PARD3: variants seen among roughly 807,000 people sequenced by gnomAD.
PARD3 encodes partitioning defective 3 homolog.
Under a neutral mutation model 155.4 loss-of-function variants are expected in PARD3, and 75 were observed. The observed-to-expected ratio is 0.48, with a 90% CI of 0.40 to 0.58. The LOEUF is 0.58. PARD3 is among the 20% of genes least tolerant of loss of function. The probability of loss-of-function intolerance (pLI) is 0.00; values close to 1 mark genes in which losing one functional copy is unlikely to be tolerated. For synonymous variants in PARD3, 576 were observed against 610.5 expected, an observed-to-expected ratio of 0.94 and a Z score of 0.83; for missense variants, 1,642 against 1,721.7, an observed-to-expected ratio of 0.95 and a Z score of 0.82.
chr10:34,562,537 C>CA (rs953127038), intron 2 of PARD3, among the ~76,000 whole-genome samples: 1 of 152,200 alleles, frequency 6.6e-6, no homozygotes. Context: ...GGTTACTCTA[C>CA]AGGCCCAATC....
At chr10:34,312,143 G>T in intron 20 of PARD3, 1 of 807,638 alleles carries the variant, frequency 1.2e-6, no homozygotes, top group Non-Finnish European at 1.9e-6. Flanking sequence ...CTTTTCAAGC[G>T]TAATTTAAAC....
chr10:34,198,234 A>C (rs1398215009), intron 22 of PARD3, among the ~76,000 whole-genome samples: 1 of 151,732 alleles, frequency 6.6e-6, no homozygotes, highest in African/African-American at 2.4e-5. Flanking sequence ...TATTAAATTC[A>C]GGATAATGCA....
chr10:34,163,771 CG>C (rs1949393921), intron 22 of PARD3, among the ~76,000 whole-genome samples: 1 of 152,078 alleles, frequency 6.6e-6, no homozygotes. Context: ...CGCACCGTTA[CG>C]GGGGAACTGC....
chr10:34,410,117 T>G (rs1245413908), intron 5 of PARD3, among the ~76,000 whole-genome samples: 3 of 152,118 alleles, frequency 2.0e-5, no homozygotes, highest in African/African-American at 7.2e-5. Context: ...ACCCTCTAGA[T>G]AAATTTTAAA....
At chr10:34,345,094 T>C (rs1837267140) in intron 15 of PARD3, 1 of 984,018 alleles carries the variant, frequency 1.0e-6, no homozygotes, top group Non-Finnish European at 1.2e-6. Flanking sequence ...TAATAAAGAA[T>C]GAAGATCTCA....
chr10:34,585,527 C>A (rs182101760), intron 2 of PARD3, among the ~76,000 whole-genome samples: 38 of 145,234 alleles, frequency 2.6e-4, no homozygotes, highest in African/African-American at 9.4e-4. Context: ...TCTAATTTTT[C>A]TTTTTTTTTC....
At chr10:34,150,697 AG>A (rs775006295) in intron 22 of PARD3, among the ~76,000 whole-genome samples, 2 of 152,168 alleles carry the variant, frequency 1.3e-5, no homozygotes, top group Non-Finnish European at 2.9e-5. Context: ...GGGCTATGGC[AG>A]GTGAATCTGC....
rs1836690919 is a variant in PARD3, at chr10:34,756,134, T to C, written c.120+58742A>G. Among the ~76,000 whole-genome samples, 3 of 142,408 alleles carry C rather than the reference T, an allele frequency of 2.1e-5. No homozygotes were observed. The East Asian group carries it at 6.3e-4, about 30-fold the overall frequency. The allele number at this position is 142,408 out of a possible 152,430, so 93.4% of individuals were successfully genotyped here. ...CACCCTCCCTCCTCCAATCTCCCCA[T>C]GGCAAAAAAATGCACCTTTTTTTTT... On this transcript the variant is annotated intron_variant, in intron 1 of 24. Transcript: ENST00000374788.
intron 3 of PARD3, among the ~76,000 whole-genome samples, chr10:34,515,972 C>CTTTTTTT (rs11398185): frequency 6.7e-6 from 1 of 149,172 alleles, no homozygotes; most frequent in African/African-American, 2.5e-5. Flanking sequence ...ATAAATAATC[C>CTTTTTTT]TTTTTTTTTT....
At chr10:34,407,175 T>C (rs1844571425) in intron 5 of PARD3, among the ~76,000 whole-genome samples, 1 of 152,128 alleles carries the variant, frequency 6.6e-6, no homozygotes, top group South Asian at 2.1e-4. Flanking sequence ...TAGCATTATG[T>C]CTTTATTTTT....
intron 22 of PARD3, among the ~76,000 whole-genome samples, chr10:34,136,197 C>T (rs150957897): frequency 6.6e-6 from 1 of 152,294 alleles, no homozygotes; most frequent in Non-Finnish European, 1.5e-5. Flanking sequence ...AACAGTCCCC[C>T]AAAATATGTT....
intron 2 of PARD3, among the ~76,000 whole-genome samples, chr10:34,541,831 G>A (rs2133888411): frequency 6.6e-6 from 1 of 152,188 alleles, no homozygotes; most frequent in South Asian, 2.1e-4. Context: ...CTCGCTGTAA[G>A]CAAACCCACA....
At chr10:34,591,350 G>T (rs912960585) in intron 2 of PARD3, among the ~76,000 whole-genome samples, 33 of 152,094 alleles carry the variant, frequency 2.2e-4, no homozygotes, top group Admixed American at 9.8e-4. Context: ...TTTAAGTGGG[G>T]CTGGGTAAGG....
intron 22 of PARD3, among the ~76,000 whole-genome samples, chr10:34,153,601 A>G (rs1948872687): frequency 6.6e-6 from 1 of 152,210 alleles, no homozygotes; most frequent in South Asian, 2.1e-4. Context: ...CCAAATTTAC[A>G]TAACTCCATT....
chr10:34,472,991 G>T (rs1356407093), intron 3 of PARD3, among the ~76,000 whole-genome samples: 1 of 152,110 alleles, frequency 6.6e-6, no homozygotes, highest in African/African-American at 2.4e-5. Flanking sequence ...TATACCTGTA[G>T]CTCTCGAAAT....
At chr10:34,697,056 C>CACACA (rs1564520190) in intron 1 of PARD3, among the ~76,000 whole-genome samples, 31 of 148,062 alleles carry the variant, frequency 2.1e-4, no homozygotes, top group African/African-American at 4.9e-4. Context: ...ACACACACAC[C>CACACA]CCCCTCAAAA....
chr10:34,696,874 G>C (rs1175599235), intron 1 of PARD3, among the ~76,000 whole-genome samples: 2 of 151,876 alleles, frequency 1.3e-5, no homozygotes, highest in Non-Finnish European at 2.9e-5. Context: ...TGCACACCCT[G>C]GTGGCTCCAA....
At chr10:34,124,744 A>G in intron 23 of PARD3, among the ~76,000 whole-genome samples, 1 of 152,256 alleles carries the variant, frequency 6.6e-6, no homozygotes, top group African/African-American at 2.4e-5. Context: ...TCTTAATTGT[A>G]TTTGTCTTCA....
intron 1 of PARD3, among the ~76,000 whole-genome samples, chr10:34,809,541 G>A (rs1843824979): frequency 6.6e-6 from 1 of 152,196 alleles, no homozygotes; most frequent in Non-Finnish European, 1.5e-5. Context: ...TGAGTGCAAG[G>A]AAGGAGCAAA....
Sources: gnomAD v4.1 joint callset for allele counts (sites outside exome capture counted in the v4.1 genomes callset) on GRCh38, gnomAD v4.1.1 for gene constraint, MANE v1.5 for transcripts, NCBI Gene and HGNC (gene_info 2026-07-23, HGNC 2026-07-21) for gene names.